Variants in MUC5B observed in about 807,000 individuals in gnomAD.
MUC5B encodes the protein mucin-5B.
In MUC5B, 116 loss-of-function variants were observed where a neutral mutation model predicts 376.9. That is an observed-to-expected ratio of 0.31 (90% confidence interval 0.26 to 0.36). The LOEUF (loss-of-function observed/expected upper bound fraction) is 0.36. MUC5B is among the 10% of genes least tolerant of loss of function. MUC5B has a pLI of 1.00. For synonymous variants in MUC5B, 3,517 were observed against 3,390.9 expected, an observed-to-expected ratio of 1.04 and a Z score of -1.29; for missense variants, 7,165 against 7,769.9, an observed-to-expected ratio of 0.92 and a Z score of 2.93.
chr11:1,243,659 G>A lies in MUC5B; in HGVS notation c.6779G>A (p.Arg2260Lys), dbSNP rs777575633. 3.1e-6 allele frequency: 5 copies of A among 1,610,450 alleles called. No homozygotes were observed. Among genetic ancestry groups the A allele is most frequent in the Non-Finnish European group, 4.2e-6 (5 of 1,179,330 alleles). The change falls in exon 31 of 49, where the codon AGA becomes AAA. Residue 2260 changes from arginine (R) to lysine (K), a missense_variant. This residue lies in a region of MUC5B where 79 missense variants were observed against 63.0 expected (regional missense o/e 1.25). Transcript: ENST00000529681. ...CTTTCCAGCCCTCACCCTAGCAGCA[G>A]AACCACCGAGTCACCCCCTTCTCCA... ...PALSSPHPSS[R>K]TTESPPSPGT... is the part of the protein sequence containing the mutation.
rs1291948393 is a variant in MUC5B, at chr11:1,261,290, C to T, written c.17070-99C>T. ...GCCACTGTGGACAGAAGGGGGCGGC[C>T]GTCTGGCCCAGGACCCCAGAGGCCC... On this transcript the variant is annotated intron_variant, in intron 48 of 48. Coordinates refer to ENST00000529681, the MANE Select transcript of MUC5B (RefSeq NM_002458.3). 4.4e-5 allele frequency: 48 copies of T among 1,081,190 alleles called. No homozygotes were observed. The South Asian group carries it at 5.2e-4, about 12-fold the overall frequency. 67.0% of individuals were successfully genotyped at this position (1,081,190 alleles called of 1,614,324 possible).
Position 1,261,809 on chromosome 11 carries a change from C to T in MUC5B, c.*201C>T, listed in dbSNP as rs778324540. The T allele has an allele frequency of 1.3e-4, 94 of 705,040 alleles. No individual in the cohort carries two copies. Among genetic ancestry groups the T allele is most frequent in the Non-Finnish European group, 1.5e-4 (58 of 389,330 alleles). The allele number at this position is 705,040 out of a possible 1,614,324, so 43.7% of individuals were successfully genotyped here. On this transcript the variant is annotated 3_prime_UTR_variant, in exon 49 of 49. Coordinates refer to ENST00000529681, the MANE Select transcript of MUC5B (RefSeq NM_002458.3). ...CAGCAGGACCCCTTTCGGGAGGGCG[C>T]CACTCAGGAGTCCTACCCTGGGAGA...
chr11:1,248,608 C>A lies in MUC5B; in HGVS notation c.11728C>A (p.Pro3910Thr), dbSNP rs1862568969. 5 of 1,612,806 alleles carry A rather than the reference C, an allele frequency of 3.1e-6. No individual in the cohort carries two copies. The highest frequency in any genetic ancestry group is 4.2e-6 in the Non-Finnish European group (5 of 1,179,510). Residue 3910 changes from proline (P) to threonine (T), a missense_variant, in exon 31 of 49, where the codon CCG becomes ACG. Physicochemically the swap from Pro to Thr is conservative, Grantham distance 38. This residue lies in a region of MUC5B where 242 missense variants were observed against 199.0 expected (regional missense o/e 1.22). Transcript: ENST00000529681. ...CTCCACGGTGACCCCCTCCTCCGTCCCGGGGACCACCCACACCCCCACAGT... is the reference window on the plus strand; with the variant it reads ...CTCCACGGTGACCCCCTCCTCCGTCACGGGGACCACCCACACCCCCACAGT... ...SGSTVTPSSV[P>T]GTTHTPTVLT...
chr11:1,234,434 C>T lies in MUC5B; in HGVS notation c.2479-95C>T, dbSNP rs1862110053. 5 of 1,509,554 alleles carry T rather than the reference C, an allele frequency of 3.3e-6. No homozygotes were observed. In the East Asian group the frequency reaches 9.9e-5, roughly 30 times the overall value. 93.5% of individuals were successfully genotyped at this position (1,509,554 alleles called of 1,614,324 possible). On this transcript the variant is annotated intron_variant, in intron 20 of 48. Transcript: ENST00000529681. This position sits in a 1 kb window ranked among gnomAD's most constrained non-coding sequence, Gnocchi z 6.3. ...AAGCTCCGCCCTGGCCCATGCGTTG[C>T]CCTGGGTGCTGCTGGGTGCGCCTGT...
Position 1,232,558 on chromosome 11 carries a change from G to T in MUC5B, c.1938+14G>T, listed in dbSNP as rs764107023. 6.2e-5 allele frequency: 99 copies of T among 1,607,728 alleles called. No individual in the cohort carries two copies. In the Admixed American group the frequency reaches 1.6e-3, roughly 26 times the overall value. ...CCCTTCCACTCGGTGAGAGGCTGAG[G>T]CCAGACCCCCACGCCTGGGCAGGAT... On this transcript the variant is annotated intron_variant, in intron 16 of 48. Coordinates refer to ENST00000529681, the MANE Select transcript of MUC5B (RefSeq NM_002458.3).
In MUC5B at chr11:1,249,656, C is replaced by T. The variant is rs200130194; in HGVS notation, c.12776C>T (p.Thr4259Met). 3.7e-4 allele frequency: 595 copies of T among 1,611,442 alleles called. No individual in the cohort carries two copies. In the African/African-American group the frequency reaches 6.7e-3, roughly 18 times the overall value. The stretch of plus-strand genomic sequence containing the variant: ...ACAGAGCTGACCACAACAGCCACTA[C>T]GACTGCATCCACTGGATCCACGGCC... ...ILTELTTTATTTASTGSTATP... is the reference protein window; with the variant it reads ...ILTELTTTATMTASTGSTATP... The change falls in exon 31 of 49, where the codon ACG becomes ATG. Residue 4259 changes from threonine to methionine, a missense_variant. Physicochemically the swap from Thr to Met is moderately conservative, Grantham distance 81. Coordinates refer to ENST00000529681, the MANE Select transcript of MUC5B (RefSeq NM_002458.3).
At chr11:1,229,394 C>T (rs1035742867) in intron 9 of MUC5B, 99 bp downstream of exon 9, 7 of 1,348,278 alleles carry the variant, frequency 5.2e-6, no homozygotes, top group South Asian at 2.9e-5. Flanking sequence ...GCCCCTCATG[C>T]CAGAAGGTCC....
chr11:1,246,396 C>T lies in MUC5B; in HGVS notation c.9516C>T (p.Thr3172=), dbSNP rs373596882. The T allele has an allele frequency of 7.5e-5, 121 of 1,613,318 alleles. No homozygotes were observed. The highest frequency in any genetic ancestry group is 7.1e-4 in the African/African-American group (53 of 74,782). ...TCACAGAGCCCAGCACTACAGCCAC[C>T]GTGACGGTGCCCACCGGATCCACGG... The part of the protein sequence containing the change: ...WILTEPSTTA[T]VTVPTGSTAT... The change falls in exon 31 of 49, where the codon ACC becomes ACT. Residue 3172 remains threonine, a synonymous_variant. Coordinates refer to ENST00000529681, the MANE Select transcript of MUC5B (RefSeq NM_002458.3).
chr11:1,258,882 A>C lies in MUC5B; in HGVS notation c.16594-60A>C. 6.5e-7 allele frequency: 1 copy of C among 1,543,580 alleles called. No individual in the cohort carries two copies. The highest frequency in any genetic ancestry group is 8.7e-7 in the Non-Finnish European group (1 of 1,143,728). On this transcript the variant is annotated intron_variant, in intron 43 of 48. Coordinates refer to ENST00000529681, the MANE Select transcript of MUC5B (RefSeq NM_002458.3). The surrounding 1 kb of genome is among the most constrained non-coding windows in gnomAD (Gnocchi z 5.5). ...CTGCAGGCCCCATTGGGTCATGGGGAGGGGTCCTGGCCCTGTTGCCCCACC... is the reference window on the plus strand; with the variant it reads ...CTGCAGGCCCCATTGGGTCATGGGGCGGGGTCCTGGCCCTGTTGCCCCACC...
chr11:1,247,349 T>C lies in MUC5B; in HGVS notation c.10469T>C (p.Val3490Ala), dbSNP rs190148881. Residue 3490 changes from valine to alanine, a missense_variant, in exon 31 of 49, where the codon GTG becomes GCG. By Grantham distance (64) the Val-to-Ala change is moderately conservative (BLOSUM62 0). This residue lies in a region of MUC5B where 939 missense variants were observed against 770.6 expected (regional missense o/e 1.22). Transcript: ENST00000529681. Reference protein sequence around the residue: ...GTTHITEPSTVTSHTPAATTS... With the variant: ...GTTHITEPSTATSHTPAATTS... ...ACCCACATCACAGAGCCTTCCACGG[T>C]GACTTCCCACACCCCAGCAGCAACC... The C allele has an allele frequency of 6.3e-7, 1 of 1,598,600 alleles. No individual in the cohort carries two copies. The highest frequency in any genetic ancestry group is 8.5e-7 in the Non-Finnish European group (1 of 1,171,048).
At chr11:1,233,312 AG>A in intron 18 of MUC5B, 44 bp downstream of exon 18, 2 of 1,473,474 alleles carry the variant, frequency 1.4e-6, no homozygotes, top group Non-Finnish European at 1.8e-6. Context: ...TGCTCCTCAG[AG>A]CCACTTCCCG....
chr11:1,225,755 G>C lies in MUC5B; in HGVS notation c.127+18G>C, dbSNP rs753485280. 1 of 1,599,612 alleles carries C rather than the reference G, an allele frequency of 6.3e-7. No individual in the cohort carries two copies. Among genetic ancestry groups the C allele is most frequent in the Non-Finnish European group, 8.5e-7 (1 of 1,173,810 alleles). ...GGATGGCGGTATGTGGCCAGGTTCG[G>C]GGGTGGGGGGTTCCTGACCAGGCTG... On this transcript the variant is annotated intron_variant, in intron 2 of 48. Transcript: ENST00000529681.
At chr11:1,254,052 C>T (rs755951371) in intron 33 of MUC5B, 40 bp from the exon 34 acceptor site, 1 of 1,590,262 alleles carries the variant, frequency 6.3e-7, no homozygotes, top group Non-Finnish European at 8.5e-7. Context: ...GCGAGGGCAC[C>T]ACCACGGAGC....
chr11:1,243,734 C>T lies in MUC5B; in HGVS notation c.6854C>T (p.Thr2285Met), dbSNP rs538714486. 28 of 1,611,446 alleles carry T rather than the reference C, an allele frequency of 1.7e-5. No homozygotes were observed. The highest frequency in any genetic ancestry group is 6.7e-5 in the African/African-American group (5 of 74,806). Residue 2285 changes from threonine (T) to methionine (M), a missense_variant, in exon 31 of 49, where the codon ACG becomes ATG. By Grantham distance (81) the Thr-to-Met change is moderately conservative (BLOSUM62 -1). This residue lies in a region of MUC5B where 79 missense variants were observed against 63.0 expected (regional missense o/e 1.25). Transcript: ENST00000529681. ...HTTATSRTTA[T>M]ATPSKTRTST... Reference sequence around the variant, plus strand: ...ACGGCCACCTCCAGGACCACAGCCACGGCCACACCCAGCAAGACCCGCACC... The same window carrying T: ...ACGGCCACCTCCAGGACCACAGCCATGGCCACACCCAGCAAGACCCGCACC...
intron 26 of MUC5B, 193 bp from the exon 27 acceptor site, chr11:1,239,245 C>A: frequency 1.1e-6 from 1 of 896,684 alleles, no homozygotes; most frequent in Non-Finnish European, 1.7e-6. Flanking sequence ...TCCTAGGGGA[C>A]AAGAGTTCCA....
Position 1,244,797 on chromosome 11 carries a change from A to G in MUC5B, c.7917A>G (p.Thr2639=), listed in dbSNP as rs1397552421. 6.2e-7 allele frequency: 1 copy of G among 1,612,662 alleles called. No individual in the cohort carries two copies. The highest frequency in any genetic ancestry group is 1.3e-5 in the African/African-American group (1 of 74,552). ...TLPVWISTTT[T]PTTRGSTVTP... ...CAGTGTGGATCAGCACAACCACCAC[A>G]CCCACAACCAGAGGTTCCACGGTGA... The change falls in exon 31 of 49, where the codon ACA becomes ACG. Residue 2639 remains threonine, a synonymous_variant. Coordinates refer to ENST00000529681, the MANE Select transcript of MUC5B (RefSeq NM_002458.3).
At position 1,243,696 on chromosome 11, in the gene MUC5B, C is replaced by T; in HGVS notation, c.6816C>T (p.Thr2272=). 6.2e-7 allele frequency: 1 copy of T among 1,611,594 alleles called. No individual in the cohort carries two copies. Among genetic ancestry groups the T allele is most frequent in the Non-Finnish European group, 8.5e-7 (1 of 1,179,604 alleles). Residue 2272 remains threonine (T), a synonymous_variant, in exon 31 of 49, where the codon ACC becomes ACT. Transcript: ENST00000529681. ...CACCCCCTTCTCCAGGGACGACCACCCCGGGCCACACCACGGCCACCTCCA... is the reference window on the plus strand; with the variant it reads ...CACCCCCTTCTCCAGGGACGACCACTCCGGGCCACACCACGGCCACCTCCA... ...TESPPSPGTT[T]PGHTTATSRT...
Position 1,234,180 on chromosome 11 carries a change from C to T in MUC5B, c.2378-25C>T, listed in dbSNP as rs1457290192. 10 of 1,566,842 alleles carry T rather than the reference C, an allele frequency of 6.4e-6. No homozygotes were observed. Among genetic ancestry groups the T allele is most frequent in the Admixed American group, 1.8e-5 (1 of 55,816 alleles). ...GGCCGTGGCTGCCCTTCCCCAGGAC[C>T]CCTCCCACCAAGCTCTGTCCCCAGG... On this transcript the variant is annotated intron_variant, in intron 19 of 48. Coordinates refer to ENST00000529681, the MANE Select transcript of MUC5B (RefSeq NM_002458.3). This position sits in a 1 kb window ranked among gnomAD's most constrained non-coding sequence, Gnocchi z 6.3.
rs1203686578 is a variant in MUC5B, at chr11:1,229,314, GA to G, written c.1102+21del. ...CCCCCAGGCAGGTCTTGTGTGCCCTGAACCCCTCAGGGGGCTTTCAGGTCCC... is the reference window on the plus strand; with the variant it reads ...CCCCCAGGCAGGTCTTGTGTGCCCTGACCCCTCAGGGGGCTTTCAGGTCCC... On this transcript the variant is annotated intron_variant, in intron 9 of 48. Transcript: ENST00000529681. The G allele has an allele frequency of 2.6e-6, 4 of 1,544,846 alleles. No homozygotes were observed. The African/African-American group carries it at 5.5e-5, about 21-fold the overall frequency.
Sources: gnomAD v4.1 joint callset for allele counts on GRCh38, gnomAD v4.1.1 for gene constraint, gnomAD v4.1.1 regional missense constraint, Gnocchi (gnomAD v3.1) non-coding constraint, MANE v1.5 for transcripts, NCBI Gene and HGNC (gene_info 2026-07-23, HGNC 2026-07-21) for gene names.